The following NUP107 variants were observed in gnomAD, a reference collection of about 807,000 sequenced individuals.
NUP107 encodes the protein nucleoporin 107, also known as nuclear pore complex protein Nup107.
In NUP107, 101 loss-of-function variants were observed where a neutral mutation model predicts 141.0. That is an observed-to-expected ratio of 0.72 (90% CI 0.61 to 0.84). The LOEUF is 0.84. NUP107 is among the 40% of genes least tolerant of loss of function. NUP107 has a pLI of 0.00. For missense variants in NUP107, 941 were observed against 1,102.7 expected, an observed-to-expected ratio of 0.85 and a Z score of 2.08; for synonymous variants, 319 against 363.9, an observed-to-expected ratio of 0.88 and a Z score of 1.41.
intron 26 of NUP107, among the ~76,000 whole-genome samples, chr12:68,738,510 T>G (rs879667567): frequency 4.0e-5 from 6 of 151,658 alleles, no homozygotes; most frequent in Non-Finnish European, 7.4e-5. Flanking sequence ...CCATGGCAAG[T>G]GCACACAATA....
intron 10 of NUP107, among the ~76,000 whole-genome samples, chr12:68,710,451 TC>T (rs1211286899): frequency 2.6e-5 from 4 of 151,886 alleles, no homozygotes; most frequent in Non-Finnish European, 5.9e-5. Flanking sequence ...GGTCAGGAGT[TC>T]CAGACCAGCC....
intron 10 of NUP107, among the ~76,000 whole-genome samples, chr12:68,711,266 G>A (rs545975482): frequency 2.2e-4 from 33 of 152,084 alleles, no homozygotes; most frequent in African/African-American, 7.5e-4. Flanking sequence ...CAGGAGAATC[G>A]CTTGAACCCA....
chr12:68,711,250 C>G (rs559398430), intron 10 of NUP107, among the ~76,000 whole-genome samples: 63 of 152,228 alleles, frequency 4.1e-4, no homozygotes, highest in Non-Finnish European at 7.9e-4. Context: ...ACTTGGGAGG[C>G]TGAGGCAGGA....
intron 10 of NUP107, among the ~76,000 whole-genome samples, chr12:68,713,246 G>A (rs563221979): frequency 7.9e-5 from 12 of 151,782 alleles, no homozygotes; most frequent in South Asian, 4.2e-4. Flanking sequence ...ATGGTGGCGC[G>A]TGTCTGTAGT....
At chr12:68,687,506 G>A (rs1255778632) in intron 1 of NUP107, 38 of 1,005,540 alleles carry the variant, frequency 3.8e-5, no homozygotes, top group Non-Finnish European at 4.4e-5. Flanking sequence ...TACTGTGCTA[G>A]CCGCCTACAA....
intron 12 of NUP107, among the ~76,000 whole-genome samples, chr12:68,717,659 T>C (rs796086094): frequency 2.3e-4 from 35 of 152,326 alleles, no homozygotes; most frequent in African/African-American, 7.9e-4. Flanking sequence ...TTATATGCAG[T>C]AACGCCTCAT....
intron 8 of NUP107, 39 bp downstream of exon 8, chr12:68,702,823 C>A: frequency 2.1e-5 from 23 of 1,110,720 alleles, no homozygotes; most frequent in Non-Finnish European, 2.9e-5. Flanking sequence ...TAAATACATA[C>A]AAATTAAAAT....
At chr12:68,706,805 C>T in intron 8 of NUP107, 1 of 757,690 alleles carries the variant, frequency 1.3e-6, no homozygotes. Flanking sequence ...AAGGAAGCTG[C>T]TGGAGGATGA....
chr12:68,720,890 T>A (rs1010749745), intron 14 of NUP107, among the ~76,000 whole-genome samples: 2 of 152,194 alleles, frequency 1.3e-5, no homozygotes, highest in Non-Finnish European at 2.9e-5. Flanking sequence ...TTTCACCTGA[T>A]ATTTGGCATT....
chr12:68,735,384 C>A, intron 26 of NUP107, 40 bp downstream of exon 26: 1 of 1,351,090 alleles, frequency 7.4e-7, no homozygotes, highest in Non-Finnish European at 1.1e-6. Flanking sequence ...AACCAAAACA[C>A]TCACCATGTT....
intron 26 of NUP107, chr12:68,739,875 T>C (rs1878251959): frequency 6.6e-6 from 1 of 151,650 alleles, no homozygotes; most frequent in South Asian, 2.1e-4. Flanking sequence ...CTAGTGGAAA[T>C]AATCCGTCTG....
rs1050253295 is a variant in NUP107 at position 68,692,051 on chromosome 12, T to A, written c.387T>A (p.Ser129Arg). The change falls in exon 5 of 28, where the codon AGT becomes AGA. Residue 129 changes from serine (S) to arginine (R), a missense_variant. Ser to Arg is a moderately radical substitution (Grantham distance 110, BLOSUM62 -1). Transcript: ENST00000229179. ...SGLFTNTEPH[S>R]ITEDVTISAV... The stretch of plus-strand genomic sequence containing the variant: ...TGTTCACAAACACAGAGCCCCACAG[T>A]ATAACAGAAGATGTAACTATCAGTG... The A allele has an allele frequency of 5.6e-6, 9 of 1,612,152 alleles. No homozygotes were observed. Among genetic ancestry groups the A allele is most frequent in the Non-Finnish European group, 6.8e-6 (8 of 1,179,292 alleles).
chr12:68,742,375 A>G lies in NUP107; in HGVS notation c.2691A>G (p.Leu897=). 6.2e-7 allele frequency: 1 copy of G among 1,608,970 alleles called. No homozygotes were observed. Among genetic ancestry groups the G allele is most frequent in the Non-Finnish European group, 8.5e-7 (1 of 1,176,062 alleles). ...KLYLVFSKEE[L]RKLLQKLRES... ...ATCAGGTATTTTCTAAGGAAGAGCT[A>G]AGGAAGTTGCTGCAGAAGCTCAGAG... Residue 897 remains leucine, a synonymous_variant, in exon 28 of 28, where the codon CTA becomes CTG. Coordinates refer to ENST00000229179, the MANE Select transcript of NUP107 (RefSeq NM_020401.4).
intron 10 of NUP107, among the ~76,000 whole-genome samples, chr12:68,710,595 C>T (rs1223990857): frequency 7.0e-6 from 1 of 142,732 alleles, no homozygotes; most frequent in Admixed American, 7.4e-5. Context: ...GTGGAGGTTG[C>T]AGTGAGCCGA....
intron 12 of NUP107, 63 bp downstream of exon 12, chr12:68,715,803 G>A: frequency 2.0e-6 from 2 of 983,396 alleles, no homozygotes; most frequent in East Asian, 2.4e-5. Flanking sequence ...AGTTGGAAGA[G>A]ATTTTTGTGG....
chr12:68,721,065 G>T, intron 14 of NUP107, 53 bp from the exon 15 acceptor site: 1 of 1,201,002 alleles, frequency 8.3e-7, no homozygotes, highest in South Asian at 1.3e-5. Context: ...GAGGAAAATT[G>T]ACATACTAAG....
intron 8 of NUP107, chr12:68,706,953 G>A: frequency 1.5e-6 from 1 of 661,946 alleles, no homozygotes. Context: ...TCCAGCTTTG[G>A]CTCTGGTGCG....
chr12:68,707,671 A>G (rs1465584786), intron 8 of NUP107, among the ~76,000 whole-genome samples: 2 of 152,244 alleles, frequency 1.3e-5, no homozygotes, highest in Admixed American at 6.5e-5. Flanking sequence ...GTGATATAAT[A>G]TAACAACTAT....
rs778645617 is a variant in NUP107 at position 68,689,604 on chromosome 12, T to C, written c.172T>C (p.Ser58Pro). The change falls in exon 3 of 28, where the codon TCA becomes CCA. Residue 58 changes from serine to proline, a missense_variant. Coordinates refer to ENST00000229179, the MANE Select transcript of NUP107 (RefSeq NM_020401.4). ...RNQVIPRTPSSFRQPFTPTSR... is the reference protein window; with the variant it reads ...RNQVIPRTPSPFRQPFTPTSR... The stretch of plus-strand genomic sequence containing the variant: ...CCAGGTTATCCCTCGAACTCCTAGC[T>C]CATTTCGACAGCCTTGTAAGATTTT... 1 of 1,610,266 alleles carries C rather than the reference T, an allele frequency of 6.2e-7. No individual in the cohort carries two copies. The highest frequency in any genetic ancestry group is 8.5e-7 in the Non-Finnish European group (1 of 1,178,340).
Sources: allele counts gnomAD v4.1 joint callset (sites outside exome capture counted in the v4.1 genomes callset), GRCh38; gene constraint gnomAD v4.1.1; transcripts MANE v1.5; gene names NCBI Gene and HGNC (gene_info 2026-07-23, HGNC 2026-07-21).